Variants in PALLD observed in about 807,000 individuals in gnomAD.
PALLD encodes palladin, cytoskeletal associated protein.
A neutral mutation model predicts 123.5 loss-of-function variants in PALLD; 61 were observed. That is an observed-to-expected ratio of 0.49 (90% CI 0.40 to 0.61). PALLD has a LOEUF of 0.61. Ranked by LOEUF, PALLD falls within the 20% of genes least tolerant of loss-of-function variation. PALLD has a pLI of 0.00. For missense variants in PALLD, 1,273 were observed against 1,377.0 expected, an observed-to-expected ratio of 0.92 and a Z score of 1.20; for synonymous variants, 465 against 496.4, an observed-to-expected ratio of 0.94 and a Z score of 0.84.
intron 10 of PALLD, among the ~76,000 whole-genome samples, chr4:168,862,564 GCT>G (rs1412999039): frequency 9.9e-5 from 15 of 152,252 alleles, no homozygotes; most frequent in African/African-American, 2.9e-4. Flanking sequence ...TGTTGATTGC[GCT>G]CTCTCATATG....
At chr4:168,684,150 GT>G (rs2150095188) in intron 5 of PALLD, among the ~76,000 whole-genome samples, 1 of 152,244 alleles carries the variant, frequency 6.6e-6, no homozygotes, top group South Asian at 2.1e-4. Flanking sequence ...AGGAAAAAAT[GT>G]CACCCACCCC....
Position 168,928,143 on chromosome 4 carries a change from C to CACTT in PALLD, c.*1965_*1968dup, listed in dbSNP as rs1295473263. On this transcript the variant is annotated 3_prime_UTR_variant, in exon 22 of 22. Coordinates refer to ENST00000505667, the MANE Select transcript of PALLD (RefSeq NM_001166108.2). ...AGTGTGGTTCAAGTTTCTTTGACCG[C>CACTT]ACTTATATGCATTGCTAATATGGAA... The CACTT allele has an allele frequency of 5.2e-6, 1 of 190,508 alleles. No homozygotes were observed. Among genetic ancestry groups the CACTT allele is most frequent in the Non-Finnish European group, 1.1e-5 (1 of 90,524 alleles). 11.8% of individuals were successfully genotyped at this position (190,508 alleles called of 1,614,324 possible). A position where few individuals can be genotyped will look rare whatever the true frequency, so the allele number is the denominator to read the frequency against.
At chr4:168,924,199 T>C (rs1474367836) in intron 18 of PALLD, 56 bp from the exon 19 acceptor site, 3 of 1,501,550 alleles carry the variant, frequency 2.0e-6, no homozygotes, top group Non-Finnish European at 9.3e-7. Flanking sequence ...TTCTGAATTC[T>C]TTCTAGTGCT....
In PALLD at chr4:168,512,248, C is replaced by T. The variant is rs2149429294; in HGVS notation, c.744C>T (p.Asp248=). ...GGCATTGCTACCAGGACAACCAGGA[C>T]TTGGCAGTGCCACACAACCGCAAGT... ...GARHCYQDNQ[D]LAVPHNRKSH... The change falls in exon 2 of 22, where the codon GAC becomes GAT. Residue 248 remains aspartate (D), a synonymous_variant. Transcript: ENST00000505667. 1 of 1,614,140 alleles carries T rather than the reference C, an allele frequency of 6.2e-7. No individual in the cohort carries two copies. Among genetic ancestry groups the T allele is most frequent in the Non-Finnish European group, 8.5e-7 (1 of 1,180,010 alleles).
rs1290902755 is a variant in PALLD at position 168,717,364 on chromosome 4, A to G, written c.1964+5441A>G. On this transcript the variant is annotated intron_variant, in intron 10 of 21. Coordinates refer to ENST00000505667, the MANE Select transcript of PALLD (RefSeq NM_001166108.2). Reference sequence around the variant, plus strand: ...TTTTGTTTTTTTGTTTTTTTTTGAGATGAAGTTTTGCTTTGTCACCTAGGC... The same window carrying G: ...TTTTGTTTTTTTGTTTTTTTTTGAGGTGAAGTTTTGCTTTGTCACCTAGGC... Among the ~76,000 whole-genome samples the G allele has an allele frequency of 4.0e-5, 6 of 151,448 alleles. No homozygotes were observed. In the East Asian group the frequency reaches 9.7e-4, roughly 24 times the overall value.
chr4:168,677,378 A>G (rs962330212), intron 3 of PALLD, among the ~76,000 whole-genome samples: 1 of 152,148 alleles, frequency 6.6e-6, no homozygotes, highest in Non-Finnish European at 1.5e-5. Flanking sequence ...AGGGTTGGAC[A>G]GGTGTGCAAA....
At chr4:168,810,823 A>AG (rs1741002290) in intron 10 of PALLD, among the ~76,000 whole-genome samples, 1 of 116,482 alleles carries the variant, frequency 8.6e-6, no homozygotes, top group Non-Finnish European at 1.8e-5. Flanking sequence ...TCAAAAAAAA[A>AG]AAAGAAAAAA....
At chr4:168,809,774 G>T (rs1413498791) in intron 10 of PALLD, among the ~76,000 whole-genome samples, 2 of 151,718 alleles carry the variant, frequency 1.3e-5, no homozygotes, top group Non-Finnish European at 2.9e-5. Flanking sequence ...TGAGGCATGA[G>T]AACTGCTTGA....
intron 17 of PALLD, among the ~76,000 whole-genome samples, chr4:168,918,339 T>TATATAC (rs754737860): frequency 4.4e-4 from 65 of 147,230 alleles, no homozygotes; most frequent in South Asian, 3.0e-3. Flanking sequence ...TATATATATA[T>TATATAC]ACATACATAC....
intron 1 of PALLD, among the ~76,000 whole-genome samples, chr4:168,504,295 T>G (rs1761757092): frequency 6.6e-6 from 1 of 152,080 alleles, no homozygotes; most frequent in African/African-American, 2.4e-5. Context: ...TTCAAGCAAA[T>G]TAAAAAACAG....
chr4:168,900,648 C>A (rs759237657), intron 14 of PALLD, among the ~76,000 whole-genome samples: 1 of 152,108 alleles, frequency 6.6e-6, no homozygotes, highest in Non-Finnish European at 1.5e-5. Context: ...TGAATCGCAA[C>A]GCCAAAGTCA....
intron 2 of PALLD, among the ~76,000 whole-genome samples, chr4:168,644,626 T>C (rs1303130126): frequency 6.6e-6 from 1 of 152,154 alleles, no homozygotes; most frequent in East Asian, 1.9e-4. Context: ...ATGTGGTAGT[T>C]GTAGGAGAGA....
intron 2 of PALLD, among the ~76,000 whole-genome samples, chr4:168,637,369 A>G (rs978082713): frequency 5.3e-5 from 8 of 152,184 alleles, no homozygotes; most frequent in Non-Finnish European, 2.9e-5. Context: ...CCAGTAGACA[A>G]CTACCAGCAA....
rs577102347 is a variant in PALLD at position 168,871,727 on chromosome 4, C to T, written c.1965-19195C>T. ...AGTCAACTCTTTTAGAAGCTGACTT[C>T]GGATTCCTCCCCCAAAAAGAGGCTG... On this transcript the variant is annotated intron_variant, in intron 10 of 21. Coordinates refer to ENST00000505667, the MANE Select transcript of PALLD (RefSeq NM_001166108.2). Among the ~76,000 whole-genome samples the T allele has an allele frequency of 5.1e-4, 78 of 152,314 alleles. 1 individual carries two copies. Among genetic ancestry groups the T allele is most frequent in the African/African-American group, 1.5e-3 (64 of 41,570 alleles).
At chr4:168,855,371 G>A (rs938864582) in intron 10 of PALLD, among the ~76,000 whole-genome samples, 3 of 152,214 alleles carry the variant, frequency 2.0e-5, no homozygotes, top group Admixed American at 2.0e-4. Context: ...TTACAGGTGT[G>A]AGCCACCTCG....
chr4:168,901,163 C>T (rs1179656433), intron 14 of PALLD, among the ~76,000 whole-genome samples: 2 of 152,186 alleles, frequency 1.3e-5, no homozygotes, highest in East Asian at 3.8e-4. Context: ...TTCCCTCTCT[C>T]ATTTATTAAA....
intron 10 of PALLD, among the ~76,000 whole-genome samples, chr4:168,817,304 A>G (rs1465169850): frequency 6.6e-6 from 1 of 152,198 alleles, no homozygotes; most frequent in East Asian, 1.9e-4. Context: ...TTTATGTGTA[A>G]TGCATGAAAC....
intron 1 of PALLD, among the ~76,000 whole-genome samples, chr4:168,508,388 G>T (rs1436777735): frequency 6.6e-6 from 1 of 152,030 alleles, no homozygotes; most frequent in Admixed American, 6.5e-5. Context: ...CTTTTTCAAG[G>T]TCATATCCCC....
At chr4:168,770,904 C>G (rs1233533361) in intron 10 of PALLD, among the ~76,000 whole-genome samples, 2 of 152,024 alleles carry the variant, frequency 1.3e-5, no homozygotes, top group African/African-American at 4.8e-5. Flanking sequence ...ACTAAAAATA[C>G]AAGAACTTAG....
Sources: gnomAD v4.1 joint callset for allele counts (sites outside exome capture counted in the v4.1 genomes callset) on GRCh38, gnomAD v4.1.1 for gene constraint, MANE v1.5 for transcripts, NCBI Gene and HGNC (gene_info 2026-07-23, HGNC 2026-07-21) for gene names.